SLC15A4: variants seen among roughly 807,000 people sequenced by gnomAD.
SLC15A4 encodes the protein solute carrier family 15 member 4.
Under a neutral mutation model 46.1 loss-of-function variants are expected in SLC15A4, and 26 were observed. The ratio of observed to expected loss-of-function variants is 0.56; its 90% CI spans 0.41 to 0.78. The LOEUF is 0.78. Among genes scored for constraint, SLC15A4 ranks in the 30% least tolerant of loss-of-function variants. The pLI is 0.00. For missense variants in SLC15A4, 751 were observed against 755.7 expected (o/e 0.99, Z 0.07); for synonymous variants, 370 against 333.4 (o/e 1.11, Z -1.20).
In SLC15A4 at chr12:128,799,436, G is replaced by A. The variant is rs1269981794; in HGVS notation, c.1415-19C>T. ...TCCAGGCCTGAGGAAAGAAAAGGGA[G>A]GGTCGTTTTTGTGAAAGGGGCACTT... On this transcript the variant is annotated intron_variant, in intron 6 of 7. Transcript: ENST00000266771. 1.2e-6 allele frequency: 2 copies of A among 1,613,160 alleles called. No individual in the cohort carries two copies. Among genetic ancestry groups the A allele is most frequent in the Non-Finnish European group, 1.7e-6 (2 of 1,179,608 alleles).
intron 1 of SLC15A4, among the ~76,000 whole-genome samples, chr12:128,818,778 C>A (rs1279421100): frequency 6.6e-6 from 1 of 152,202 alleles, no homozygotes; most frequent in African/African-American, 2.4e-5. Flanking sequence ...CCACGCCCCT[C>A]TCCTGGCCCG....
intron 2 of SLC15A4, among the ~76,000 whole-genome samples, chr12:128,810,768 C>CA (rs1955647063): frequency 6.6e-6 from 1 of 152,098 alleles, no homozygotes; most frequent in Non-Finnish European, 1.5e-5. Context: ...AGGGAGTGCC[C>CA]AGTGCACCGC....
In SLC15A4 at chr12:128,812,644, C is replaced by T. The variant is rs909055528; in HGVS notation, c.842+2131G>A. Among the ~76,000 whole-genome samples the T allele has an allele frequency of 2.0e-5, 3 of 152,192 alleles. No individual in the cohort carries two copies. The East Asian group carries it at 5.8e-4, about 29-fold the overall frequency. ...AGGCCCACCTTTTTTAAGGCACCCTCGTCACAGTGGTCACCACTGACAGGG... is the reference window on the plus strand; with the variant it reads ...AGGCCCACCTTTTTTAAGGCACCCTTGTCACAGTGGTCACCACTGACAGGG... On this transcript the variant is annotated intron_variant, in intron 2 of 7. Transcript: ENST00000266771.
At chr12:128,817,343 T>C (rs577002105) in intron 1 of SLC15A4, among the ~76,000 whole-genome samples, 2 of 152,206 alleles carry the variant, frequency 1.3e-5, no homozygotes, top group South Asian at 4.1e-4. Context: ...AAATGAAAAA[T>C]GTGAGCAGAG....
intron 5 of SLC15A4, among the ~76,000 whole-genome samples, chr12:128,804,529 A>G (rs924158994): frequency 1.3e-5 from 2 of 152,206 alleles, no homozygotes; most frequent in Admixed American, 6.5e-5. Flanking sequence ...CAGGAGTTCG[A>G]GACCAACTTG....
At chr12:128,814,487 T>A in intron 2 of SLC15A4, 1 of 367,542 alleles carries the variant, frequency 2.7e-6, no homozygotes, top group African/African-American at 2.0e-5. Flanking sequence ...ATTTCTACCT[T>A]TATAATCTGG....
At chr12:128,805,130 T>C (rs1955568423) in intron 5 of SLC15A4, among the ~76,000 whole-genome samples, 1 of 152,104 alleles carries the variant, frequency 6.6e-6, no homozygotes, top group Non-Finnish European at 1.5e-5. Context: ...CGGGGGGAGA[T>C]GCAATTATCC....
chr12:128,808,843 G>A lies in SLC15A4; in HGVS notation c.1203C>T (p.Ser401=). ...ACATGCCCACGGCGATCCTCTTCAG[G>A]GAGGATGGGAGCAGGCCATGTCTTC... is the stretch of plus-strand genomic sequence containing the variant. The part of the protein sequence containing the change: ...ILRRHGLLPS[S]LKRIAVGMFF... The change falls in exon 5 of 8, where the codon TCC becomes TCT. Residue 401 remains serine (S), a synonymous_variant. Transcript: ENST00000266771. 6.2e-7 allele frequency: 1 copy of A among 1,614,214 alleles called. No individual in the cohort carries two copies. The highest frequency in any genetic ancestry group is 8.5e-7 in the Non-Finnish European group (1 of 1,180,046).
intron 7 of SLC15A4, among the ~76,000 whole-genome samples, chr12:128,794,876 T>A (rs1417389019): frequency 6.6e-6 from 1 of 152,216 alleles, no homozygotes; most frequent in Non-Finnish European, 1.5e-5. Flanking sequence ...CCTTCCTGTG[T>A]TCTTGCCACC....
At position 128,814,867 on chromosome 12, in the gene SLC15A4, C is replaced by T; in HGVS notation, c.750G>A (p.Lys250=). The change falls in exon 2 of 8, where the codon AAG becomes AAA. Residue 250 remains lysine (K), a synonymous_variant. Coordinates refer to ENST00000266771, the MANE Select transcript of SLC15A4 (RefSeq NM_145648.4). ...CGGTGAAGGCACTGCCATCAGGAGGCTTGGTGATGAAAACGCTCTGGCCAC... is the reference window on the plus strand; with the variant it reads ...CGGTGAAGGCACTGCCATCAGGAGGTTTGGTGATGAAAACGCTCTGGCCAC... ...FLCGQSVFIT[K]PPDGSAFTDM... is the part of the protein sequence containing the mutation. 6.2e-7 allele frequency: 1 copy of T among 1,614,184 alleles called. No individual in the cohort carries two copies. The highest frequency in any genetic ancestry group is 1.3e-5 in the African/African-American group (1 of 75,036).
At position 128,794,052 on chromosome 12, in the gene SLC15A4, G is replaced by A; in HGVS notation, c.*144C>T. On this transcript the variant is annotated 3_prime_UTR_variant, in exon 8 of 8. Transcript: ENST00000266771. ...ACTTACCAAGCTCCTTTGGATAGAG[G>A]GAAAGAAGAAATCAATCCAGGCAAC... 1.2e-6 allele frequency: 1 copy of A among 842,610 alleles called. No homozygotes were observed. The highest frequency in any genetic ancestry group is 1.8e-6 in the Non-Finnish European group (1 of 553,284). The allele number at this position is 842,610 out of a possible 1,614,324, so 52.2% of individuals were successfully genotyped here.
intron 5 of SLC15A4, among the ~76,000 whole-genome samples, chr12:128,805,688 C>T (rs1230815783): frequency 2.0e-5 from 3 of 152,098 alleles, no homozygotes; most frequent in Non-Finnish European, 4.4e-5. Context: ...TGCGCCACCA[C>T]GCATGGCTAA....
In SLC15A4 at chr12:128,823,390, C is replaced by A; in HGVS notation, c.546+8G>T. The A allele has an allele frequency of 7.1e-7, 1 of 1,410,776 alleles. No individual in the cohort carries two copies. The highest frequency in any genetic ancestry group is 1.5e-5 in the South Asian group (1 of 66,520). The allele number at this position is 1,410,776 out of a possible 1,614,324, so 87.4% of individuals were successfully genotyped here. A position where few individuals can be genotyped will look rare whatever the true frequency, so the allele number is the denominator to read the frequency against. ...GGGACAGGGACAGCGCGCGGGGGCG[C>A]GGCTCACCTGGTCGGCGCCGAAGGG... On this transcript the variant is annotated splice_region_variant and intron_variant, in intron 1 of 7. Transcript: ENST00000266771.
At chr12:128,809,764 T>C in intron 3 of SLC15A4, 179 bp downstream of exon 3, 1 of 598,498 alleles carries the variant, frequency 1.7e-6, no homozygotes. Flanking sequence ...AGAGAGGCTT[T>C]AGACATAGTT....
intron 5 of SLC15A4, among the ~76,000 whole-genome samples, chr12:128,802,917 G>A (rs1415106751): frequency 6.6e-6 from 1 of 152,162 alleles, no homozygotes; most frequent in African/African-American, 2.4e-5. Context: ...AACCAGGATC[G>A]GGACGGGTGC....
intron 3 of SLC15A4, 91 bp from the exon 4 acceptor site, chr12:128,809,564 T>C (rs759933756): frequency 6.6e-6 from 5 of 758,756 alleles, no homozygotes; most frequent in Non-Finnish European, 1.1e-5. Flanking sequence ...TAGACTCAGA[T>C]GCGACACACA....
chr12:128,800,870 G>C lies in SLC15A4; in HGVS notation c.1398C>G (p.Ile466Met). The part of the protein sequence containing the change: ...PQYLLIGISE[I>M]FASIAGLEFA... ...GGTCCTCACCTGCGATACTTGCAAA[G>C]ATCTCGCTGATCCCAATCAGCAAGT... is the stretch of plus-strand genomic sequence containing the variant. Residue 466 changes from isoleucine (I) to methionine (M), a missense_variant, in exon 6 of 8, where the codon ATC becomes ATG. Physicochemically the swap from Ile to Met is conservative, Grantham distance 10. Coordinates refer to ENST00000266771, the MANE Select transcript of SLC15A4 (RefSeq NM_145648.4). 6.2e-7 allele frequency: 1 copy of C among 1,612,650 alleles called. No individual in the cohort carries two copies. The highest frequency in any genetic ancestry group is 8.5e-7 in the Non-Finnish European group (1 of 1,179,518).
In SLC15A4 at chr12:128,801,013, G is replaced by T. The variant is rs760172080; in HGVS notation, c.1259-4C>A. ...AGCCTTTTACTCTCCAAAATTCCTA[G>T]AATTCAAAAGTAGGTTAGTGTAATA... On this transcript the variant is annotated splice_polypyrimidine_tract_variant and splice_region_variant and intron_variant, in intron 5 of 7. Transcript: ENST00000266771. 1.3e-5 allele frequency: 20 copies of T among 1,592,694 alleles called. No individual in the cohort carries two copies. In the Admixed American group the frequency reaches 3.1e-4, roughly 25 times the overall value.
intron 2 of SLC15A4, among the ~76,000 whole-genome samples, chr12:128,810,721 AG>A (rs972562268): frequency 6.6e-6 from 1 of 152,080 alleles, no homozygotes; most frequent in Admixed American, 6.5e-5. Flanking sequence ...TGATGAGAGG[AG>A]GATGTCCCTG....
Sources: gnomAD v4.1 joint callset for allele counts (sites outside exome capture counted in the v4.1 genomes callset) on GRCh38, gnomAD v4.1.1 for gene constraint, MANE v1.5 for transcripts, NCBI Gene and HGNC (gene_info 2026-07-23, HGNC 2026-07-21) for gene names.